Variants in BCKDHB observed in about 807,000 individuals in gnomAD.
BCKDHB encodes branched chain keto acid dehydrogenase E1 subunit beta, also known as 2-oxoisovalerate dehydrogenase subunit beta, mitochondrial.
BCKDHB carries 41 observed loss-of-function variants against 48.5 expected under a neutral mutation model. The ratio of observed to expected loss-of-function variants is 0.85; its 90% CI spans 0.66 to 1.10. BCKDHB has a LOEUF of 1.10. BCKDHB is among the 50% of genes least tolerant of loss of function. The pLI is 0.00. For synonymous variants in BCKDHB, 201 were observed against 174.8 expected (o/e 1.15, Z -1.18); for missense variants, 496 against 494.2 (o/e 1.00, Z -0.03).
intron 6 of BCKDHB, among the ~76,000 whole-genome samples, chr6:80,191,974 T>C (rs763890464): frequency 6.6e-6 from 1 of 152,220 alleles, no homozygotes; most frequent in Non-Finnish European, 1.5e-5. Flanking sequence ...TCTGGAGAAA[T>C]GTGGACACTG....
the BCKDHB span, among the ~76,000 whole-genome samples, chr6:80,413,673 C>A: frequency 2.0e-5 from 3 of 152,172 alleles, no homozygotes; most frequent in Admixed American, 2.0e-4. Context: ...TGCATATATA[C>A]TACATTTTCT....
chr6:80,436,468 A>T, the BCKDHB span, among the ~76,000 whole-genome samples: 1 of 151,996 alleles, frequency 6.6e-6, no homozygotes, highest in African/African-American at 2.4e-5. Context: ...ATCCTGTTAT[A>T]ATCTCATGTT....
At chr6:80,430,564 A>G in the BCKDHB span, among the ~76,000 whole-genome samples, 1 of 151,914 alleles carries the variant, frequency 6.6e-6, no homozygotes, top group Non-Finnish European at 1.5e-5. Context: ...CTATTCAGGG[A>G]TTCAATTTTC....
chr6:80,449,778 A>T, the BCKDHB span, among the ~76,000 whole-genome samples: 8 of 152,184 alleles, frequency 5.3e-5, no homozygotes, highest in Admixed American at 5.2e-4. Flanking sequence ...ATTAATCCAT[A>T]TGATCATATG....
chr6:80,245,560 T>C (rs943384777), intron 8 of BCKDHB, among the ~76,000 whole-genome samples: 1 of 152,174 alleles, frequency 6.6e-6, no homozygotes, highest in Non-Finnish European at 1.5e-5. Flanking sequence ...TTTTCATGTG[T>C]ACTCTCAGTC....
intron 1 of BCKDHB, among the ~76,000 whole-genome samples, chr6:80,109,247 G>A (rs910963675): frequency 3.3e-5 from 5 of 152,170 alleles, no homozygotes; most frequent in Non-Finnish European, 7.4e-5. Flanking sequence ...TCAGAAGGTT[G>A]TTGTGAGGGC....
the BCKDHB span, among the ~76,000 whole-genome samples, chr6:80,418,486 C>A: frequency 6.6e-6 from 1 of 151,902 alleles, no homozygotes; most frequent in African/African-American, 2.4e-5. Context: ...CTATTTTTGA[C>A]CTTGAGGGTT....
chr6:80,384,332 T>C, the BCKDHB span, among the ~76,000 whole-genome samples: 18 of 29,156 alleles, frequency 6.2e-4, no homozygotes, highest in African/African-American at 1.0e-3. Context: ...CTCCCGATCT[T>C]CTTCTTCTTC....
chr6:80,436,835 A>G, the BCKDHB span, among the ~76,000 whole-genome samples: 13 of 152,254 alleles, frequency 8.5e-5, no homozygotes, highest in African/African-American at 2.9e-4. Context: ...TGCTTTTTCT[A>G]AGAATATGTT....
chr6:80,267,420 A>C (rs1478672591), intron 8 of BCKDHB, among the ~76,000 whole-genome samples: 1 of 152,104 alleles, frequency 6.6e-6, no homozygotes, highest in Non-Finnish European at 1.5e-5. Flanking sequence ...GAGGAAAGGT[A>C]CCATGGGGTT....
intron 5 of BCKDHB, among the ~76,000 whole-genome samples, chr6:80,170,640 G>A (rs566453194): frequency 6.6e-6 from 1 of 152,138 alleles, no homozygotes; most frequent in African/African-American, 2.4e-5. Context: ...AAGTTTACAC[G>A]TGTACTTCCT....
intron 6 of BCKDHB, among the ~76,000 whole-genome samples, chr6:80,199,273 G>A (rs1348557281): frequency 6.6e-6 from 1 of 152,122 alleles, no homozygotes; most frequent in African/African-American, 2.4e-5. Context: ...GCCGTCCACA[G>A]CAGACTCCTG....
intron 6 of BCKDHB, among the ~76,000 whole-genome samples, chr6:80,186,930 C>T (rs995640156): frequency 6.6e-6 from 1 of 152,220 alleles, no homozygotes; most frequent in South Asian, 2.1e-4. Context: ...ACTTTTCCCC[C>T]ACTCACACTT....
intron 5 of BCKDHB, 69 bp from the exon 6 acceptor site, chr6:80,171,213 C>T (rs1772896567): frequency 1.2e-6 from 1 of 831,544 alleles, no homozygotes; most frequent in Non-Finnish European, 2.0e-6. Flanking sequence ...AAATATCAGC[C>T]CTTCTTAGCA....
intron 9 of BCKDHB, among the ~76,000 whole-genome samples, chr6:80,338,710 T>C (rs1041417760): frequency 6.6e-6 from 1 of 152,196 alleles, no homozygotes; most frequent in Non-Finnish European, 1.5e-5. Context: ...TTATTATAAA[T>C]ATGGGATTCC....
At chr6:80,220,304 G>GTTTTTTTTTTTTTTTTTTTTTTTTTTT (rs56967096) in intron 8 of BCKDHB, among the ~76,000 whole-genome samples, 5 of 60,858 alleles carry the variant, frequency 8.2e-5, no homozygotes, top group Non-Finnish European at 1.5e-4. Flanking sequence ...CATGCTATTT[G>GTTTTTTTTTTTTTTTTTTTTTTTTTTT]TTTTTTTTTT....
intron 7 of BCKDHB, 68 bp from the exon 8 acceptor site, chr6:80,203,034 G>A: frequency 2.0e-6 from 2 of 992,970 alleles, no homozygotes; most frequent in Non-Finnish European, 3.3e-6. Flanking sequence ...AGTGACATCA[G>A]CATTCAACTA....
At chr6:80,314,488 A>G (rs1768335534) in intron 9 of BCKDHB, among the ~76,000 whole-genome samples, 1 of 152,232 alleles carries the variant, frequency 6.6e-6, no homozygotes, top group South Asian at 2.1e-4. Context: ...TTAGAGAGAA[A>G]TTAGAACTCT....
chr6:80,408,786 G>T, the BCKDHB span, among the ~76,000 whole-genome samples: 2 of 103,712 alleles, frequency 1.9e-5, no homozygotes. Context: ...TATCTATTTT[G>T]TTGATCTTTT....
Sources: allele counts gnomAD v4.1 joint callset (sites outside exome capture counted in the v4.1 genomes callset), GRCh38; gene constraint gnomAD v4.1.1; transcripts MANE v1.5; gene names NCBI Gene and HGNC (gene_info 2026-07-23, HGNC 2026-07-21).